The following ATP11B variants were observed in gnomAD, a reference collection of about 807,000 sequenced individuals.
ATP11B encodes ATPase phospholipid transporting 11B (putative).
A neutral mutation model predicts 157.8 loss-of-function variants in ATP11B; 81 were observed. The observed-to-expected ratio is 0.51, with a 90% CI of 0.43 to 0.62. The LOEUF is 0.62. Among genes scored for constraint, ATP11B ranks in the 20% least tolerant of loss-of-function variants. ATP11B has a pLI of 0.00. For synonymous variants in ATP11B, 451 were observed against 469.4 expected, an observed-to-expected ratio of 0.96 and a Z score of 0.51; for missense variants, 1,165 against 1,402.2, an observed-to-expected ratio of 0.83 and a Z score of 2.70.
intron 10 of ATP11B, among the ~76,000 whole-genome samples, chr3:182,857,177 G>C (rs1054732062): frequency 6.6e-6 from 1 of 152,102 alleles, no homozygotes; most frequent in Non-Finnish European, 1.5e-5. Flanking sequence ...ACAGAGTCTC[G>C]CTCTGTCGCC....
chr3:182,793,908 C>G (rs987803062), intron 1 of ATP11B, 122 bp downstream of exon 1: 1 of 542,188 alleles, frequency 1.8e-6, no homozygotes, highest in Non-Finnish European at 2.7e-6. Context: ...CCGGCTAGGC[C>G]GCAGCGGAGA....
rs561400896 is a variant in ATP11B at position 182,881,043 on chromosome 3, G to T, written c.2509+62G>T. ...TTAAAGTTGGTGGTATTATTTGGTGGTTTTTAATTTTCTTTTTGTAGATTA... is the reference window on the plus strand; with the variant it reads ...TTAAAGTTGGTGGTATTATTTGGTGTTTTTTAATTTTCTTTTTGTAGATTA... On this transcript the variant is annotated intron_variant, in intron 21 of 29. Transcript: ENST00000323116. 4 of 1,287,024 alleles carry T rather than the reference G, an allele frequency of 3.1e-6. No homozygotes were observed. The South Asian group carries it at 5.4e-5, about 18-fold the overall frequency. The allele number at this position is 1,287,024 out of a possible 1,614,324, so 79.7% of individuals were successfully genotyped here. A position where few individuals can be genotyped will look rare whatever the true frequency, so the allele number is the denominator to read the frequency against.
chr3:182,878,200 C>A (rs558608921), intron 19 of ATP11B, among the ~76,000 whole-genome samples: 2 of 152,166 alleles, frequency 1.3e-5, no homozygotes, highest in African/African-American at 4.8e-5. Flanking sequence ...TACAACACAA[C>A]AGTGATTAGG....
chr3:182,796,572 G>A (rs565078279), intron 1 of ATP11B, among the ~76,000 whole-genome samples: 1 of 152,306 alleles, frequency 6.6e-6, no homozygotes, highest in East Asian at 1.9e-4. Context: ...CTATTGGACA[G>A]CACCAATTTA....
chr3:182,823,142 G>T (rs192461022), intron 2 of ATP11B, among the ~76,000 whole-genome samples: 4,644 of 152,178 alleles, frequency 0.031, 231 homozygotes, highest in African/African-American at 0.1. Flanking sequence ...GTCAATTTTG[G>T]CTTTTGTTGC....
At chr3:182,798,718 G>T (rs575230511) in intron 1 of ATP11B, among the ~76,000 whole-genome samples, 1 of 152,226 alleles carries the variant, frequency 6.6e-6, no homozygotes, top group African/African-American at 2.4e-5. Flanking sequence ...CTGTCGAAAT[G>T]TAGGCACTTG....
chr3:182,854,267 C>T (rs1050605693), intron 10 of ATP11B, among the ~76,000 whole-genome samples: 7 of 151,986 alleles, frequency 4.6e-5, no homozygotes, highest in East Asian at 3.9e-4. Context: ...GTCGGGAGTC[C>T]GAGACCAGCC....
chr3:182,902,863 C>T (rs1378174708), intron 28 of ATP11B, among the ~76,000 whole-genome samples: 1 of 152,020 alleles, frequency 6.6e-6, no homozygotes, highest in Non-Finnish European at 1.5e-5. Flanking sequence ...TCTAATGCTT[C>T]TGCTTGTCAT....
rs1723023991 is a variant in ATP11B at position 182,889,420 on chromosome 3, A to G, written c.2854A>G (p.Lys952Glu). The change falls in exon 25 of 30, where the codon AAA becomes GAA. Residue 952 changes from lysine to glutamate, a missense_variant. Around this residue, in one of 4 missense-constraint regions of ATP11B, gnomAD observed 303 missense variants for 296.3 expected, o/e 1.02. Transcript: ENST00000323116. ...NKPTLYRDISKNRLLSIKTFL... is the reference protein window; with the variant it reads ...NKPTLYRDISENRLLSIKTFL... Reference sequence around the variant, plus strand: ...TCTTCTTTTTAACAGAGACATTAGTAAAAACCGCCTCTTAAGTATTAAAAC... The same window carrying G: ...TCTTCTTTTTAACAGAGACATTAGTGAAAACCGCCTCTTAAGTATTAAAAC... 3.2e-6 allele frequency: 5 copies of G among 1,566,114 alleles called. No homozygotes were observed. In the East Asian group the frequency reaches 9.4e-5, roughly 29 times the overall value.
At chr3:182,858,098 GACTT>G in intron 11 of ATP11B, 70 bp downstream of exon 11, 1 of 1,388,588 alleles carries the variant, frequency 7.2e-7, no homozygotes, top group Non-Finnish European at 1.0e-6. Flanking sequence ...CTTTGGTAGT[GACTT>G]CTGATTGGAG....
intron 29 of ATP11B, chr3:182,917,751 G>A: frequency 1.0e-6 from 1 of 985,038 alleles, no homozygotes; most frequent in Non-Finnish European, 1.2e-6. Flanking sequence ...AGCAGCTCAT[G>A]CTTTACTACA....
In ATP11B at chr3:182,868,270, A is replaced by G. The variant is rs934234788; in HGVS notation, c.1689-808A>G. 2.7e-5 allele frequency among the ~76,000 whole-genome samples: 4 copies of G among 148,984 alleles called. No individual in the cohort carries two copies. The Admixed American group carries it at 2.7e-4, about 10-fold the overall frequency. On this transcript the variant is annotated intron_variant, in intron 15 of 29. Coordinates refer to ENST00000323116, the MANE Select transcript of ATP11B (RefSeq NM_014616.3). ...AAATTAGTTCATGCTTAATATACTT[A>G]CTCCTTTCATGGTTTTAGCAATTCT...
chr3:182,904,230 G>C (rs1724170653), intron 28 of ATP11B, among the ~76,000 whole-genome samples: 1 of 152,180 alleles, frequency 6.6e-6, no homozygotes, highest in Non-Finnish European at 1.5e-5. Context: ...TTCTTCACCT[G>C]TCACATGATC....
chr3:182,828,256 A>G, intron 3 of ATP11B, 47 bp downstream of exon 3: 1 of 956,038 alleles, frequency 1.0e-6, no homozygotes, highest in East Asian at 2.7e-5. Context: ...AGTTTCTAAA[A>G]ATATGTCTTG....
intron 1 of ATP11B, among the ~76,000 whole-genome samples, chr3:182,807,208 A>G (rs1716379373): frequency 6.6e-6 from 1 of 152,146 alleles, no homozygotes; most frequent in Non-Finnish European, 1.5e-5. Context: ...CATAGTAGGG[A>G]GAATGAAATA....
At chr3:182,832,870 G>C (rs1317041708) in intron 4 of ATP11B, among the ~76,000 whole-genome samples, 1 of 152,130 alleles carries the variant, frequency 6.6e-6, no homozygotes. Context: ...GTGAGCTGTA[G>C]CTAGCTATTC....
At chr3:182,896,609 A>G in intron 25 of ATP11B, 91 bp from the exon 26 acceptor site, 1 of 1,078,556 alleles carries the variant, frequency 9.3e-7, no homozygotes. Flanking sequence ...TAAATAATTC[A>G]AGGGATTTTT....
chr3:182,916,777 G>A lies in ATP11B; in HGVS notation c.3453-1246G>A, dbSNP rs919552679. 1.5e-5 allele frequency: 15 copies of A among 985,094 alleles called. No homozygotes were observed. The African/African-American group carries it at 2.1e-4, about 14-fold the overall frequency. 61.0% of individuals were successfully genotyped at this position (985,094 alleles called of 1,614,324 possible). The stretch of plus-strand genomic sequence containing the variant: ...AAGATTATTCTGTGTAAGCAATGTG[G>A]AAAGAAGAAAAACTAATATAAAGTA... On this transcript the variant is annotated intron_variant, in intron 29 of 29. Coordinates refer to ENST00000323116, the MANE Select transcript of ATP11B (RefSeq NM_014616.3).
Position 182,918,306 on chromosome 3 carries a change from G to T in ATP11B, c.*202G>T. The T allele has an allele frequency of 1.6e-6, 1 of 619,846 alleles. No homozygotes were observed. The highest frequency in any genetic ancestry group is 5.8e-5 in the South Asian group (1 of 17,354). 38.4% of individuals were successfully genotyped at this position (619,846 alleles called of 1,614,324 possible). ...ACACCCTTAATTTGAATCTGAACATGTTAAAATTTGAGAATAAAGAGACAT... is the reference window on the plus strand; with the variant it reads ...ACACCCTTAATTTGAATCTGAACATTTTAAAATTTGAGAATAAAGAGACAT... On this transcript the variant is annotated 3_prime_UTR_variant, in exon 30 of 30. Transcript: ENST00000323116.
Sources: gnomAD v4.1 joint callset for allele counts (sites outside exome capture counted in the v4.1 genomes callset) on GRCh38, gnomAD v4.1.1 for gene constraint, gnomAD v4.1.1 regional missense constraint, MANE v1.5 for transcripts, NCBI Gene and HGNC (gene_info 2026-07-23, HGNC 2026-07-21) for gene names.